SFMBT2: variants seen among roughly 807,000 people sequenced by gnomAD.
SFMBT2 encodes the protein Scm like with four mbt domains 2, also known as scm-like with four MBT domains protein 2.
SFMBT2 carries 38 observed loss-of-function variants against 110.1 expected under a neutral mutation model. That is an observed-to-expected ratio of 0.35 (90% confidence interval 0.27 to 0.45). The LOEUF is 0.45. Among genes scored for constraint, SFMBT2 ranks in the 20% least tolerant of loss-of-function variants. The pLI is 1.00. For missense variants in SFMBT2, 1,011 were observed against 1,094.9 expected, an observed-to-expected ratio of 0.92 and a Z score of 1.08; for synonymous variants, 425 against 425.4, an observed-to-expected ratio of 1.00 and a Z score of 0.01.
rs117122891 is a variant in SFMBT2, at chr10:7,372,661, T to C, written c.101-2286A>G. Among the ~76,000 whole-genome samples, 425 of 152,260 alleles carry C rather than the reference T, an allele frequency of 2.8e-3. 6 individuals are homozygous for C. The highest frequency in any genetic ancestry group is 0.02 in the East Asian group (101 of 5,164). ...CCGTCTCCTGGAAAACACCTCAGGG[T>C]GGTACCTGATGGCTCTGTTGACAGT... is the stretch of plus-strand genomic sequence containing the variant. On this transcript the variant is annotated intron_variant, in intron 2 of 20. Transcript: ENST00000397167.
intron 4 of SFMBT2, among the ~76,000 whole-genome samples, chr10:7,355,186 T>C (rs907154765): frequency 6.6e-6 from 1 of 152,208 alleles, no homozygotes; most frequent in Non-Finnish European, 1.5e-5. Context: ...AAAAATGCTA[T>C]TTTCCTTCTA....
rs4353173 is a variant in SFMBT2, at chr10:7,293,030, G to A, written c.437-7076C>T. ...TTAACAAAGACATTATCTAAGAATT[G>A]TTGGAAGCAAATGACACAGCCCTAT... On this transcript the variant is annotated intron_variant, in intron 4 of 20. Transcript: ENST00000397167. The surrounding 1 kb of genome is among the most constrained non-coding windows in gnomAD (Gnocchi z 4.6). Among the ~76,000 whole-genome samples, 2 of 151,986 alleles carry A rather than the reference G, an allele frequency of 1.3e-5. No individual in the cohort carries two copies. The highest frequency in any genetic ancestry group is 2.4e-5 in the African/African-American group (1 of 41,362).
intron 4 of SFMBT2, among the ~76,000 whole-genome samples, chr10:7,325,388 C>T (rs915529170): frequency 2.1e-4 from 32 of 152,140 alleles, no homozygotes; most frequent in Non-Finnish European, 1.0e-4. Flanking sequence ...AATAATAAAG[C>T]TGTACTCAGA....
At chr10:7,210,369 C>T (rs562672836) in intron 11 of SFMBT2, among the ~76,000 whole-genome samples, 69 of 152,204 alleles carry the variant, frequency 4.5e-4, no homozygotes, top group Non-Finnish European at 2.4e-4. Context: ...GGAGAGAGCG[C>T]GAGCATGCAT....
intron 11 of SFMBT2, among the ~76,000 whole-genome samples, chr10:7,211,783 A>G (rs1715853420): frequency 6.6e-6 from 1 of 152,090 alleles, no homozygotes; most frequent in Non-Finnish European, 1.5e-5. Flanking sequence ...CCTTGTTTCA[A>G]TTTTGCAAGT....
At chr10:7,176,335 G>T in intron 16 of SFMBT2, 170 bp from the exon 17 acceptor site, 1 of 534,038 alleles carries the variant, frequency 1.9e-6, no homozygotes, top group Non-Finnish European at 2.4e-6. Flanking sequence ...TATAAGAAGT[G>T]CTCACTAGTG....
chr10:7,262,597 T>C (rs934529415), intron 7 of SFMBT2, among the ~76,000 whole-genome samples: 2 of 152,230 alleles, frequency 1.3e-5, no homozygotes, highest in African/African-American at 2.4e-5. Context: ...CCGGAGCAGA[T>C]AACTGAAAGT....
At chr10:7,398,883 C>G (rs1006936915) in intron 1 of SFMBT2, among the ~76,000 whole-genome samples, 3 of 152,124 alleles carry the variant, frequency 2.0e-5, no homozygotes, top group Non-Finnish European at 4.4e-5. Flanking sequence ...CCATGAGACT[C>G]AAAAAGTAAA....
At chr10:7,261,280 C>T (rs149802376) in intron 7 of SFMBT2, among the ~76,000 whole-genome samples, 4 of 152,288 alleles carry the variant, frequency 2.6e-5, no homozygotes, top group East Asian at 3.9e-4. Flanking sequence ...GTTTTTCCTT[C>T]GTACCTTTTT....
rs1837881489 is a variant in SFMBT2 at position 7,171,897 on chromosome 10, C to T, written c.2413G>A (p.Glu805Lys). The T allele has an allele frequency of 2.1e-6, 3 of 1,432,164 alleles. No individual in the cohort carries two copies. The highest frequency in any genetic ancestry group is 9.1e-7 in the Non-Finnish European group (1 of 1,096,206). The allele number at this position is 1,432,164 out of a possible 1,614,324, so 88.7% of individuals were successfully genotyped here. ...CTGTCCCCACGCCCGGGCATCACCT[C>T]TGTCCCCTCGGGCTTGGTCGGCGGG... ...KCPPTKPEGT[E>K]DTKQEEEERL... The change falls in exon 19 of 21, where the codon GAG (glutamate) becomes AAG (lysine). Residue 805 changes from glutamate to lysine, a missense_variant and splice_region_variant. Physicochemically the swap from Glu to Lys is moderately conservative, Grantham distance 56. Coordinates refer to ENST00000397167, the MANE Select transcript of SFMBT2 (RefSeq NM_001387889.1). This position sits in a 1 kb window ranked among gnomAD's most constrained non-coding sequence, Gnocchi z 4.9.
chr10:7,338,682 T>C (rs752696776), intron 4 of SFMBT2, among the ~76,000 whole-genome samples: 21 of 152,138 alleles, frequency 1.4e-4, no homozygotes, highest in Non-Finnish European at 2.9e-4. Flanking sequence ...CATGTATAAA[T>C]GACTCACGTA....
chr10:7,197,825 A>T, intron 14 of SFMBT2, 138 bp from the exon 15 acceptor site: 1 of 1,282,426 alleles, frequency 7.8e-7, no homozygotes, highest in Non-Finnish European at 1.0e-6. Flanking sequence ...ATGGGGAGTC[A>T]GGCGTAATAA....
At chr10:7,410,435 T>A (rs1186713807) in intron 1 of SFMBT2, among the ~76,000 whole-genome samples, 1 of 152,180 alleles carries the variant, frequency 6.6e-6, no homozygotes, top group Non-Finnish European at 1.5e-5. Context: ...GCTGCGTCGC[T>A]AAAATGAGTG....
intron 16 of SFMBT2, among the ~76,000 whole-genome samples, chr10:7,187,405 A>T (rs893416541): frequency 9.9e-5 from 15 of 152,224 alleles, no homozygotes; most frequent in Non-Finnish European, 2.2e-4. Context: ...TTTTTCTCTG[A>T]GCTATAGGTG....
chr10:7,227,971 C>A, intron 9 of SFMBT2, 34 bp from the exon 10 acceptor site: 1 of 1,517,284 alleles, frequency 6.6e-7, no homozygotes, highest in East Asian at 2.4e-5. Context: ...AAACAGCGCA[C>A]ATTAAGCAAA....
At chr10:7,287,567 T>C (rs758877372) in intron 4 of SFMBT2, among the ~76,000 whole-genome samples, 31 of 152,168 alleles carry the variant, frequency 2.0e-4, no homozygotes, top group Non-Finnish European at 3.1e-4. Context: ...GAGATGGATG[T>C]GCAAAGTCAG....
chr10:7,254,609 C>A (rs1588388688), intron 7 of SFMBT2, among the ~76,000 whole-genome samples: 1 of 151,962 alleles, frequency 6.6e-6, no homozygotes, highest in East Asian at 1.9e-4. Flanking sequence ...ATCATGAGGT[C>A]AAGAGATCGA....
At chr10:7,334,338 C>T (rs913310737) in intron 4 of SFMBT2, among the ~76,000 whole-genome samples, 1 of 152,164 alleles carries the variant, frequency 6.6e-6, no homozygotes, top group Non-Finnish European at 1.5e-5. Flanking sequence ...CTCAGACACA[C>T]AGTTCGGCCT....
rs202025686 is a variant in SFMBT2, at chr10:7,215,638, GC to G, written c.1330+4772del. The G allele has an allele frequency of 7.5e-4, 737 of 985,410 alleles. 12 individuals carry two copies. The East Asian group carries it at 0.043, about 57-fold the overall frequency. 61.0% of individuals were successfully genotyped at this position (985,410 alleles called of 1,614,324 possible). ...CATGGCTCACATCCATGGAGGCAGG[GC>G]CCCGCAGAGGCAGCACAGAACCCTG... On this transcript the variant is annotated intron_variant, in intron 11 of 20. Coordinates refer to ENST00000397167, the MANE Select transcript of SFMBT2 (RefSeq NM_001387889.1).
Sources: allele counts gnomAD v4.1 joint callset (sites outside exome capture counted in the v4.1 genomes callset), GRCh38; gene constraint gnomAD v4.1.1; non-coding constraint Gnocchi (gnomAD v3.1); transcripts MANE v1.5; gene names NCBI Gene and HGNC (gene_info 2026-07-23, HGNC 2026-07-21).